The following TPRG1 variants were observed in gnomAD, a reference collection of about 807,000 sequenced individuals.
TPRG1 encodes tumor protein p63-regulated gene 1 protein.
Under a neutral mutation model 29.3 loss-of-function variants are expected in TPRG1, and 29 were observed. The ratio of observed to expected loss-of-function variants is 0.99; its 90% CI spans 0.74 to 1.35. The LOEUF (loss-of-function observed/expected upper bound fraction) is 1.35. Ranked by LOEUF, TPRG1 falls within the 40% of genes most tolerant of loss-of-function variation. The pLI is 0.00. For synonymous variants in TPRG1, 130 were observed against 116.8 expected (o/e 1.11, Z -0.73); for missense variants, 327 against 335.0 (o/e 0.98, Z 0.19).
intron 3 of TPRG1, among the ~76,000 whole-genome samples, chr3:189,147,111 C>G (rs1417641123): frequency 2.0e-5 from 3 of 152,224 alleles, no homozygotes; most frequent in Non-Finnish European, 4.4e-5. Context: ...GAACCCCGGT[C>G]TGTTTGACTC....
At chr3:189,160,425 A>G (rs1242539199) in intron 5 of TPRG1, among the ~76,000 whole-genome samples, 2 of 152,186 alleles carry the variant, frequency 1.3e-5, no homozygotes, top group Non-Finnish European at 2.9e-5. Flanking sequence ...GGGATCAGCC[A>G]TCTATTTTGT....
In TPRG1 at chr3:189,320,855, G is replaced by C; in HGVS notation, c.*35G>C. The C allele has an allele frequency of 2.0e-6, 3 of 1,469,424 alleles. No individual in the cohort carries two copies. The highest frequency in any genetic ancestry group is 1.5e-5 in the South Asian group (1 of 68,516). 91.0% of individuals were successfully genotyped at this position (1,469,424 alleles called of 1,614,324 possible). A position where few individuals can be genotyped will look rare whatever the true frequency, so the allele number is the denominator to read the frequency against. ...TGGTACCATAAGCATATCATCCACA[G>C]ATATGTCACTTTGAAAATTCCAGTT... On this transcript the variant is annotated 3_prime_UTR_variant, in exon 6 of 6. Coordinates refer to ENST00000345063, the MANE Select transcript of TPRG1 (RefSeq NM_198485.4).
intron 4 of TPRG1, among the ~76,000 whole-genome samples, chr3:189,260,161 A>G (rs1445644128): frequency 6.6e-6 from 1 of 152,078 alleles, no homozygotes; most frequent in Admixed American, 6.6e-5. Context: ...TGGAGGGAGG[A>G]GGGGAGGGTT....
chr3:189,079,209 T>G (rs940918856), intron 4 of TPRG1, among the ~76,000 whole-genome samples: 1 of 152,242 alleles, frequency 6.6e-6, no homozygotes, highest in East Asian at 1.9e-4. Flanking sequence ...CAGTGAGAAC[T>G]CACTCTTTAT....
intron 4 of TPRG1, among the ~76,000 whole-genome samples, chr3:189,075,303 T>G (rs1717092716): frequency 6.6e-6 from 1 of 151,768 alleles, no homozygotes; most frequent in Non-Finnish European, 1.5e-5. Flanking sequence ...CGGCTAATTT[T>G]CTTGTATTTT....
intron 4 of TPRG1, among the ~76,000 whole-genome samples, chr3:189,087,348 G>A (rs1718018330): frequency 6.6e-6 from 1 of 152,154 alleles, no homozygotes; most frequent in Non-Finnish European, 1.5e-5. Flanking sequence ...AATTTTTGAT[G>A]GGGTCGTTAG....
intron 1 of TPRG1, among the ~76,000 whole-genome samples, chr3:189,103,410 A>G (rs1454488066): frequency 6.6e-6 from 1 of 152,170 alleles, no homozygotes; most frequent in African/African-American, 2.4e-5. Flanking sequence ...TGAGGGAGAA[A>G]GTGGATCAAG....
At chr3:189,018,680 G>C (rs1337511635) in intron 3 of TPRG1, among the ~76,000 whole-genome samples, 1 of 151,522 alleles carries the variant, frequency 6.6e-6, no homozygotes, top group South Asian at 2.1e-4. Flanking sequence ...CTCCAGCTTT[G>C]TTCTTTTGGC....
chr3:189,203,812 C>T (rs567066846), intron 1 of TPRG1, among the ~76,000 whole-genome samples: 3 of 152,114 alleles, frequency 2.0e-5, no homozygotes, highest in Admixed American at 2.0e-4. Flanking sequence ...GAGACTGAGG[C>T]GGGTGGATCA....
intron 4 of TPRG1, among the ~76,000 whole-genome samples, chr3:189,049,241 T>C (rs57794384): frequency 0.032 from 4,850 of 152,184 alleles, 237 homozygotes; most frequent in African/African-American, 0.11. Context: ...GCAGATAGCC[T>C]CAGGCAAGTT....
chr3:189,316,992 G>T (rs1223406971), intron 5 of TPRG1, among the ~76,000 whole-genome samples: 1 of 152,050 alleles, frequency 6.6e-6, no homozygotes, highest in African/African-American at 2.4e-5. Context: ...GCTTTGAAGG[G>T]GCTCCTAGAA....
chr3:189,146,252 A>G (rs1725249505), intron 3 of TPRG1, among the ~76,000 whole-genome samples: 1 of 152,182 alleles, frequency 6.6e-6, no homozygotes, highest in African/African-American at 2.4e-5. Flanking sequence ...CATGTTGGGC[A>G]GTGAGTTAAA....
intron 4 of TPRG1, among the ~76,000 whole-genome samples, chr3:189,039,545 C>G (rs532576596): frequency 1.1e-4 from 17 of 152,346 alleles, no homozygotes; most frequent in Admixed American, 9.8e-4. Flanking sequence ...TGTGACATCA[C>G]TGAGTGCAGA....
chr3:189,209,533 G>T (rs1342484891), intron 2 of TPRG1, among the ~76,000 whole-genome samples: 1 of 152,120 alleles, frequency 6.6e-6, no homozygotes, highest in Non-Finnish European at 1.5e-5. Flanking sequence ...TGATTCCCCA[G>T]AGCAATACTG....
At chr3:189,055,636 C>A (rs999673859) in intron 4 of TPRG1, among the ~76,000 whole-genome samples, 1 of 152,194 alleles carries the variant, frequency 6.6e-6, no homozygotes, top group East Asian at 1.9e-4. Flanking sequence ...ACTTCTTATT[C>A]TCTGACTGTG....
At chr3:189,275,334 T>A (rs1211926740) in intron 4 of TPRG1, among the ~76,000 whole-genome samples, 1 of 152,172 alleles carries the variant, frequency 6.6e-6, no homozygotes, top group East Asian at 1.9e-4. Context: ...AACTACTACA[T>A]GCTCTAGTAG....
chr3:189,215,453 A>G, intron 3 of TPRG1, 70 bp downstream of exon 3: 1 of 1,243,934 alleles, frequency 8.0e-7, no homozygotes, highest in Non-Finnish European at 1.2e-6. Context: ...GTAGCAGAAT[A>G]GGAGATGGAC....
At chr3:189,295,147 C>T (rs796693889) in intron 4 of TPRG1, among the ~76,000 whole-genome samples, 10 of 152,340 alleles carry the variant, frequency 6.6e-5, no homozygotes, top group African/African-American at 2.2e-4. Context: ...ATCGCCACTT[C>T]TTCCAAAATT....
intron 3 of TPRG1, among the ~76,000 whole-genome samples, chr3:189,236,114 G>C (rs376450283): frequency 1.4e-4 from 21 of 152,214 alleles, no homozygotes; most frequent in Non-Finnish European, 2.6e-4. Context: ...CCAGGAACTT[G>C]AGATGGTGGC....
Sources: allele counts gnomAD v4.1 joint callset (sites outside exome capture counted in the v4.1 genomes callset), GRCh38; gene constraint gnomAD v4.1.1; transcripts MANE v1.5; gene names NCBI Gene and HGNC (gene_info 2026-07-23, HGNC 2026-07-21).